The following PPP1R12B variants were observed in gnomAD, a reference collection of about 807,000 sequenced individuals.
The protein encoded by PPP1R12B is myosin phosphatase target subunit 2.
A neutral mutation model predicts 126.1 loss-of-function variants in PPP1R12B; 76 were observed. That is an observed-to-expected ratio of 0.60 (90% CI 0.50 to 0.73). The LOEUF (loss-of-function observed/expected upper bound fraction) is 0.73. Among genes scored for constraint, PPP1R12B ranks in the 30% least tolerant of loss-of-function variants. The pLI is 0.00. For synonymous variants in PPP1R12B, 356 were observed against 434.7 expected, an observed-to-expected ratio of 0.82 and a Z score of 2.25; for missense variants, 1,052 against 1,205.1, an observed-to-expected ratio of 0.87 and a Z score of 1.88.
intron 1 of PPP1R12B, among the ~76,000 whole-genome samples, chr1:202,409,400 C>T (rs1232569434): frequency 1.3e-5 from 2 of 150,920 alleles, no homozygotes; most frequent in Non-Finnish European, 3.0e-5. Context: ...CGGCTCACTG[C>T]AACCTCCACC....
intron 18 of PPP1R12B, chr1:202,501,916 C>T (rs1319136699): frequency 1.4e-5 from 14 of 984,744 alleles, no homozygotes; most frequent in Non-Finnish European, 1.6e-5. Flanking sequence ...AGTGAAGGAA[C>T]GTCTTCTTGA....
intron 13 of PPP1R12B, among the ~76,000 whole-genome samples, chr1:202,477,466 G>A (rs1676814149): frequency 6.6e-6 from 1 of 152,282 alleles, no homozygotes; most frequent in African/African-American, 2.4e-5. Flanking sequence ...CACTATACCT[G>A]TCAAAAGACA....
chr1:202,455,840 T>C (rs953092611), intron 13 of PPP1R12B, among the ~76,000 whole-genome samples: 2 of 152,132 alleles, frequency 1.3e-5, no homozygotes, highest in African/African-American at 4.8e-5. Flanking sequence ...GGCTGCAGTT[T>C]TACATATGAA....
At position 202,348,790 on chromosome 1, in the gene PPP1R12B, A is replaced by T; in HGVS notation, c.-62A>T. The T allele has an allele frequency of 6.6e-7, 1 of 1,524,166 alleles. No individual in the cohort carries two copies. 94.4% of individuals were successfully genotyped at this position (1,524,166 alleles called of 1,614,324 possible). ...CGCTCTGAGAGAGGCGGCAGCGGCA[A>T]CTCGAGCCCCAACAGTAATTTAGTG... is the stretch of plus-strand genomic sequence containing the variant. On this transcript the variant is annotated 5_prime_UTR_variant, in exon 1 of 24. Coordinates refer to ENST00000608999, the MANE Select transcript of PPP1R12B (RefSeq NM_002481.4).
intron 18 of PPP1R12B, among the ~76,000 whole-genome samples, chr1:202,507,676 T>C (rs1044053534): frequency 6.6e-6 from 1 of 152,246 alleles, no homozygotes; most frequent in Non-Finnish European, 1.5e-5. Context: ...CCATCATTAC[T>C]ATGATGACAA....
chr1:202,529,928 TGA>T (rs1349927422), intron 18 of PPP1R12B, among the ~76,000 whole-genome samples: 2 of 152,210 alleles, frequency 1.3e-5, no homozygotes, highest in African/African-American at 4.8e-5. Context: ...TTGTAATATC[TGA>T]TGAATTTGAG....
chr1:202,372,803 AAAAG>A (rs1443338703), intron 1 of PPP1R12B, among the ~76,000 whole-genome samples: 2 of 152,180 alleles, frequency 1.3e-5, no homozygotes, highest in Non-Finnish European at 1.5e-5. Flanking sequence ...AGTAAAAAAT[AAAAG>A]AAAAAAGAAA....
chr1:202,534,420 C>T (rs1424090956), intron 18 of PPP1R12B, among the ~76,000 whole-genome samples: 2 of 152,158 alleles, frequency 1.3e-5, no homozygotes, highest in Non-Finnish European at 2.9e-5. Flanking sequence ...CTTCCCAGGC[C>T]CCTTTCAGTG....
intron 8 of PPP1R12B, among the ~76,000 whole-genome samples, chr1:202,432,274 CT>C (rs879702656): frequency 1.2e-3 from 168 of 144,818 alleles, no homozygotes; most frequent in Non-Finnish European, 1.1e-3. Flanking sequence ...TATAGGGCTT[CT>C]TTTTTTTTTT....
chr1:202,398,989 A>G (rs1187169655), intron 1 of PPP1R12B, among the ~76,000 whole-genome samples: 1 of 152,082 alleles, frequency 6.6e-6, no homozygotes, highest in African/African-American at 2.4e-5. Flanking sequence ...ACATATATAT[A>G]TATTTTTTGT....
In PPP1R12B at chr1:202,478,225, G is replaced by A. The variant is rs564421668; in HGVS notation, c.1851-10308G>A. ...TGCAGGCCATGTTGTCTCTGTTGCAGTTACTAAACTCTGCTCTGTGATTCC... is the reference window on the plus strand; with the variant it reads ...TGCAGGCCATGTTGTCTCTGTTGCAATTACTAAACTCTGCTCTGTGATTCC... On this transcript the variant is annotated intron_variant, in intron 13 of 23. Transcript: ENST00000608999. Among the ~76,000 whole-genome samples, 251 of 152,338 alleles carry A rather than the reference G, an allele frequency of 1.6e-3. 6 individuals are homozygous for A. The highest frequency in any genetic ancestry group is 1.8e-3 in the Non-Finnish European group (125 of 68,026).
At position 202,508,877 on chromosome 1, in the gene PPP1R12B, G is replaced by A. The variant is rs1681110841; in HGVS notation, c.2490+12055G>A. Among the ~76,000 whole-genome samples the A allele has an allele frequency of 6.6e-6, 1 of 152,134 alleles. No individual in the cohort carries two copies. The highest frequency in any genetic ancestry group is 2.4e-5 in the African/African-American group (1 of 41,434). ...TCATCTTTGGCACGTGATGCTCTAG[G>A]TCCGCAAACTTTTTATGAAAAGGGC... On this transcript the variant is annotated intron_variant, in intron 18 of 23. Coordinates refer to ENST00000608999, the MANE Select transcript of PPP1R12B (RefSeq NM_002481.4). This position sits in a 1 kb window ranked among gnomAD's most constrained non-coding sequence, Gnocchi z 4.5.
intron 1 of PPP1R12B, among the ~76,000 whole-genome samples, chr1:202,385,074 C>T (rs1422282287): frequency 2.0e-5 from 3 of 152,100 alleles, no homozygotes; most frequent in Non-Finnish European, 2.9e-5. Context: ...GCTTGGATTT[C>T]CTGGTGATGA....
chr1:202,442,460 A>C lies in PPP1R12B; in HGVS notation c.1555A>C (p.Asn519His). Residue 519 changes from asparagine (N) to histidine (H), a missense_variant, in exon 12 of 24, where the codon AAT (asparagine) becomes CAT (histidine). Asn to His is a moderately conservative substitution (Grantham distance 68, BLOSUM62 1). Transcript: ENST00000608999. ...EEKENRESAV[N>H]LVRSGSYTRQ... Reference sequence around the variant, plus strand: ...ATGCTTCTACAGAGAATCAGCTGTTAATCTAGTGAGGAGTGGCTCCTATAC... The same window carrying C: ...ATGCTTCTACAGAGAATCAGCTGTTCATCTAGTGAGGAGTGGCTCCTATAC... 1 of 1,610,672 alleles carries C rather than the reference A, an allele frequency of 6.2e-7. No homozygotes were observed. Among genetic ancestry groups the C allele is most frequent in the Non-Finnish European group, 8.5e-7 (1 of 1,179,010 alleles).
rs1259266104 is a variant in PPP1R12B, at chr1:202,562,765, T to C, written c.2508-13T>C. On this transcript the variant is annotated splice_polypyrimidine_tract_variant and intron_variant, in intron 19 of 23. Coordinates refer to ENST00000608999, the MANE Select transcript of PPP1R12B (RefSeq NM_002481.4). ...TCAAAACCAATTTTTATCTTTAATA[T>C]TATCTCCCACAGGTTGGAATCGGGA... is the stretch of plus-strand genomic sequence containing the variant. 9 of 1,608,494 alleles carry C rather than the reference T, an allele frequency of 5.6e-6. No homozygotes were observed. The highest frequency in any genetic ancestry group is 6.8e-6 in the Non-Finnish European group (8 of 1,175,548).
intron 13 of PPP1R12B, among the ~76,000 whole-genome samples, chr1:202,480,034 A>C (rs1677155977): frequency 1.3e-5 from 2 of 152,232 alleles, no homozygotes; most frequent in African/African-American, 4.8e-5. Flanking sequence ...CCAAGAAATA[A>C]GAGTTACCAA....
intron 2 of PPP1R12B, among the ~76,000 whole-genome samples, chr1:202,420,054 T>C (rs1456249828): frequency 6.6e-6 from 1 of 152,210 alleles, no homozygotes; most frequent in Non-Finnish European, 1.5e-5. Flanking sequence ...ACATAGAACC[T>C]GTGGAGATAT....
At chr1:202,360,137 A>G (rs1558127333) in intron 1 of PPP1R12B, among the ~76,000 whole-genome samples, 2 of 152,108 alleles carry the variant, frequency 1.3e-5, no homozygotes, top group African/African-American at 4.8e-5. Context: ...CGTGTTTTCT[A>G]TAAACTAGTA....
At chr1:202,467,681 CAT>C (rs1353364253) in intron 13 of PPP1R12B, among the ~76,000 whole-genome samples, 4 of 152,204 alleles carry the variant, frequency 2.6e-5, no homozygotes, top group African/African-American at 9.7e-5. Flanking sequence ...CTTCAATAAA[CAT>C]ATGTGTGCAT....
Sources: gnomAD v4.1 joint callset for allele counts (sites outside exome capture counted in the v4.1 genomes callset) on GRCh38, gnomAD v4.1.1 for gene constraint, Gnocchi (gnomAD v3.1) non-coding constraint, MANE v1.5 for transcripts, NCBI Gene and HGNC (gene_info 2026-07-23, HGNC 2026-07-21) for gene names.